Variants in C19orf38 observed in about 807,000 individuals in gnomAD.
C19orf38 encodes the protein protein HIDE1.
A neutral mutation model predicts 26.6 loss-of-function variants in C19orf38; 14 were observed. The observed-to-expected ratio is 0.53, with a 90% confidence interval of 0.35 to 0.82. The LOEUF is 0.82. Among genes scored for constraint, C19orf38 ranks in the 40% least tolerant of loss-of-function variants. The probability of loss-of-function intolerance (pLI) is 0.01; values close to 1 mark genes in which losing one functional copy is unlikely to be tolerated. For synonymous variants in C19orf38, 132 were observed against 128.5 expected (o/e 1.03, Z -0.18); for missense variants, 261 against 299.5 (o/e 0.87, Z 0.95).
intron 3 of C19orf38, among the ~76,000 whole-genome samples, chr19:10,857,250 TTGTG>T (rs1206991259): frequency 6.9e-6 from 1 of 144,624 alleles, no homozygotes; most frequent in South Asian, 2.2e-4. Context: ...TTATGTGTGT[TTGTG>T]TGTGTGTGTA....
chr19:10,848,328 G>C (rs1357253777), upstream of C19orf38: 2 of 620,908 alleles, frequency 3.2e-6, no homozygotes, highest in Non-Finnish European at 5.8e-6. Context: ...GGGGTGGGGA[G>C]GGGAGAGAGT....
At chr19:10,845,548 C>T (rs2073510061), upstream of C19orf38, among the ~76,000 whole-genome samples, 1 of 152,062 alleles carries the variant, frequency 6.6e-6, no homozygotes, top group Admixed American at 6.6e-5. Flanking sequence ...TAAAACAGTT[C>T]TTGGAGGGAA....
intron 5 of C19orf38, 97 bp downstream of exon 5, chr19:10,860,055 T>G: frequency 3.1e-6 from 4 of 1,279,714 alleles, no homozygotes; most frequent in Non-Finnish European, 4.4e-6. Flanking sequence ...CTTCTGTGAC[T>G]GCTTGTTCCC....
At chr19:10,867,977 C>G (rs910694389) in intron 6 of C19orf38, among the ~76,000 whole-genome samples, 4 of 152,012 alleles carry the variant, frequency 2.6e-5, no homozygotes, top group African/African-American at 9.7e-5. Flanking sequence ...AAGGCTGAAT[C>G]ATATTGTGTT....
chr19:10,868,608 G>A lies in C19orf38; in HGVS notation c.544-610G>A, dbSNP rs993149922. The stretch of plus-strand genomic sequence containing the variant: ...AGCTCACTGCAACCTTCACCTCCTG[G>A]GTTCAGGTGATTCTCCTGCCTCAGC... On this transcript the variant is annotated intron_variant, in intron 6 of 6. Coordinates refer to ENST00000397820, the MANE Select transcript of C19orf38 (RefSeq NM_001136482.3). 3.9e-5 allele frequency among the ~76,000 whole-genome samples: 6 copies of A among 152,136 alleles called. No individual in the cohort carries two copies. The South Asian group carries it at 1.2e-3, about 31-fold the overall frequency.
intron 2 of C19orf38, among the ~76,000 whole-genome samples, chr19:10,850,768 G>GGCCGACTTCAGGTAT (rs2073564648): frequency 6.6e-6 from 1 of 152,090 alleles, no homozygotes; most frequent in South Asian, 2.1e-4. Flanking sequence ...CAGCTCACAG[G>GGCCGACTTCAGGTAT]GCCGACTTCA....
At chr19:10,842,532 T>C (rs895061606) in intron 1 of C19orf38, among the ~76,000 whole-genome samples, 1 of 152,004 alleles carries the variant, frequency 6.6e-6, no homozygotes, top group Admixed American at 6.6e-5. Flanking sequence ...AGTGCTGGGA[T>C]TACAGGCGTG....
chr19:10,858,485 G>A, intron 4 of C19orf38, 142 bp downstream of exon 4: 1 of 764,338 alleles, frequency 1.3e-6, no homozygotes, highest in Non-Finnish European at 2.1e-6. Flanking sequence ...CATTTATTAA[G>A]TGCCTCCTGT....
At chr19:10,847,341 A>T (rs533952619), upstream of C19orf38, among the ~76,000 whole-genome samples, 3 of 149,994 alleles carry the variant, frequency 2.0e-5, no homozygotes, top group African/African-American at 7.3e-5. Context: ...TTCCTACTAC[A>T]AGTTCTTTGA....
chr19:10,852,616 G>C (rs779877599), intron 2 of C19orf38, among the ~76,000 whole-genome samples: 8 of 152,224 alleles, frequency 5.3e-5, no homozygotes, highest in Non-Finnish European at 1.2e-4. Context: ...GTTGCAGGCA[G>C]AGGATACAGG....
intron 6 of C19orf38, among the ~76,000 whole-genome samples, chr19:10,865,375 G>A (rs1032165843): frequency 3.3e-5 from 5 of 152,308 alleles, no homozygotes; most frequent in South Asian, 2.1e-4. Context: ...TCCAACAACC[G>A]ACCTCAGGTG....
intron 2 of C19orf38, among the ~76,000 whole-genome samples, chr19:10,855,819 C>T (rs2073619647): frequency 1.3e-5 from 2 of 152,170 alleles, no homozygotes; most frequent in Non-Finnish European, 1.5e-5. Flanking sequence ...TGAGCCACTG[C>T]GCCTGGCCAA....
intron 1 of C19orf38, among the ~76,000 whole-genome samples, chr19:10,849,721 T>TA (rs2073549639): frequency 6.6e-6 from 1 of 151,462 alleles, no homozygotes. Flanking sequence ...ATAAATTAAA[T>TA]AAAAAATAAG....
chr19:10,862,154 C>T (rs1261264749), intron 5 of C19orf38, among the ~76,000 whole-genome samples: 2 of 150,986 alleles, frequency 1.3e-5, no homozygotes, highest in Admixed American at 6.6e-5. Context: ...CCCGCCTCAG[C>T]CTCCTAAAGT....
chr19:10,850,276 G>A lies in C19orf38; in HGVS notation c.49G>A (p.Ala17Thr), dbSNP rs1342562600. The A allele has an allele frequency of 5.8e-6, 9 of 1,550,290 alleles. No individual in the cohort carries two copies. Among genetic ancestry groups the A allele is most frequent in the Non-Finnish European group, 7.8e-6 (9 of 1,146,908 alleles). The change falls in exon 2 of 7, where the codon GCA (alanine) becomes ACA (threonine). Residue 17 changes from alanine to threonine, a missense_variant. Physicochemically the swap from Ala to Thr is moderately conservative, Grantham distance 58. Transcript: ENST00000397820. The stretch of plus-strand genomic sequence containing the variant: ...CATTGCAGGCTCCTTGGCGATCCCA[G>A]CACCATCCATCCGGCTGGTGCCCCC... ...LFAAGSLAIP[A>T]PSIRLVPPYP...
In C19orf38 at chr19:10,867,641, C is replaced by CTTT. The variant is rs953156656; in HGVS notation, c.544-1550_544-1548dup. 1.1e-3 allele frequency among the ~76,000 whole-genome samples: 64 copies of CTTT among 58,830 alleles called. 4 individuals are homozygous for CTTT. The highest frequency in any genetic ancestry group is 1.5e-3 in the Non-Finnish European group (46 of 31,482). 38.6% of individuals were successfully genotyped at this position (58,830 alleles called of 152,430 possible). ...TCAGAAAAAAAAAAGGAAGAACATT[C>CTTT]TTTTTTTTTTTTTTTTTTTTTTTTT... On this transcript the variant is annotated intron_variant, in intron 6 of 6. Transcript: ENST00000397820.
intron 1 of C19orf38, among the ~76,000 whole-genome samples, chr19:10,841,397 C>T (rs1292047598): frequency 1.3e-5 from 2 of 152,110 alleles, no homozygotes; most frequent in African/African-American, 2.4e-5. Context: ...GTGGGAGGCT[C>T]GCTTGAGCCC....
Position 10,863,159 on chromosome 19 carries a change from TTC to T in C19orf38, c.506-9_506-8del. The T allele has an allele frequency of 3.9e-6, 6 of 1,551,156 alleles. No homozygotes were observed. Among genetic ancestry groups the T allele is most frequent in the Non-Finnish European group, 5.2e-6 (6 of 1,146,564 alleles). ...CCCCAATCCTGGGTTTTCTTTCTCTTTCTGTTTCAGACATGTCCTTCGATAAC... is the reference window on the plus strand; with the variant it reads ...CCCCAATCCTGGGTTTTCTTTCTCTTTGTTTCAGACATGTCCTTCGATAAC... On this transcript the variant is annotated splice_polypyrimidine_tract_variant and intron_variant, in intron 5 of 6. Coordinates refer to ENST00000397820, the MANE Select transcript of C19orf38 (RefSeq NM_001136482.3).
intron 3 of C19orf38, 129 bp from the exon 4 acceptor site, chr19:10,858,187 C>A: frequency 1.2e-6 from 1 of 850,754 alleles, no homozygotes; most frequent in South Asian, 1.9e-5. Context: ...AAGATTGAGC[C>A]ACTGCACTCC....
Sources: gnomAD v4.1 joint callset for allele counts (sites outside exome capture counted in the v4.1 genomes callset) on GRCh38, gnomAD v4.1.1 for gene constraint, MANE v1.5 for transcripts, NCBI Gene and HGNC (gene_info 2026-07-23, HGNC 2026-07-21) for gene names.